ARSK: variants seen among roughly 807,000 people sequenced by gnomAD.
ARSK encodes the protein arylsulfatase family member K.
Under a neutral mutation model 53.2 loss-of-function variants are expected in ARSK, and 37 were observed. The observed-to-expected ratio is 0.70, with a 90% confidence interval of 0.54 to 0.92. The LOEUF is 0.92. Ranked by LOEUF, ARSK falls within the 40% of genes least tolerant of loss-of-function variation. ARSK has a pLI of 0.00. For missense variants in ARSK, 613 were observed against 643.0 expected, an observed-to-expected ratio of 0.95 and a Z score of 0.51; for synonymous variants, 208 against 223.2, an observed-to-expected ratio of 0.93 and a Z score of 0.61.
At chr5:95,572,186 G>A (rs1443909585) in intron 3 of ARSK, among the ~76,000 whole-genome samples, 1 of 152,042 alleles carries the variant, frequency 6.6e-6, no homozygotes, top group Non-Finnish European at 1.5e-5. Flanking sequence ...GATCGCTATG[G>A]GCTGCACAGT....
At chr5:95,588,729 C>T (rs1288458302) in intron 5 of ARSK, among the ~76,000 whole-genome samples, 1 of 151,774 alleles carries the variant, frequency 6.6e-6, no homozygotes, top group Non-Finnish European at 1.5e-5. Context: ...TTTGGGAGGC[C>T]GAGGCAAGCG....
chr5:95,595,859 A>G (rs1749300337), intron 6 of ARSK, among the ~76,000 whole-genome samples: 1 of 152,252 alleles, frequency 6.6e-6, no homozygotes, highest in Non-Finnish European at 1.5e-5. Context: ...TAATTTTAAC[A>G]AGTGAAATGT....
At chr5:95,565,110 A>G (rs1008665381) in intron 1 of ARSK, among the ~76,000 whole-genome samples, 7 of 152,244 alleles carry the variant, frequency 4.6e-5, no homozygotes, top group African/African-American at 1.7e-4. Flanking sequence ...AACATATAAT[A>G]GATAGAACTC....
intron 3 of ARSK, among the ~76,000 whole-genome samples, chr5:95,571,827 T>C (rs1274257479): frequency 1.3e-5 from 2 of 152,248 alleles, no homozygotes; most frequent in East Asian, 3.8e-4. Flanking sequence ...ATAGCATGTC[T>C]GAAGGTTATA....
rs148807575 is a variant in ARSK, at chr5:95,564,475, C to A, written c.127-1523C>A. ...GCTAACACACCATTCTCTAACATCC[C>A]TCCCGTTTTTCTGTTTTGCTTTGCA... On this transcript the variant is annotated intron_variant, in intron 1 of 7. Transcript: ENST00000380009. 1.6e-3 allele frequency among the ~76,000 whole-genome samples: 237 copies of A among 152,290 alleles called. 3 individuals are homozygous for A. Among genetic ancestry groups the A allele is most frequent in the African/African-American group, 5.6e-3 (231 of 41,542 alleles).
At chr5:95,589,619 T>C (rs1157801510) in intron 5 of ARSK, among the ~76,000 whole-genome samples, 3 of 152,254 alleles carry the variant, frequency 2.0e-5, no homozygotes, top group South Asian at 4.1e-4. Context: ...CATTCCTTTT[T>C]ATGGCTGCGT....
chr5:95,556,630 T>C lies in ARSK; in HGVS notation c.126+1226T>C, dbSNP rs114368263. 1,696 of 178,386 alleles carry C rather than the reference T, an allele frequency of 9.5e-3. 20 individuals carry two copies. Among genetic ancestry groups the C allele is most frequent in the South Asian group, 0.033 (194 of 5,894 alleles). 11.1% of individuals were successfully genotyped at this position (178,386 alleles called of 1,614,324 possible). A position where few individuals can be genotyped will look rare whatever the true frequency, so the allele number is the denominator to read the frequency against. Reference sequence around the variant, plus strand: ...ATGTGGATCACAACATCCCAGAAACTTCCAAAGATGACTGAGATATATAGG... The same window carrying C: ...ATGTGGATCACAACATCCCAGAAACCTCCAAAGATGACTGAGATATATAGG... On this transcript the variant is annotated intron_variant, in intron 1 of 7. Coordinates refer to ENST00000380009, the MANE Select transcript of ARSK (RefSeq NM_198150.3).
intron 3 of ARSK, among the ~76,000 whole-genome samples, chr5:95,581,802 C>T (rs1208148877): frequency 6.6e-6 from 1 of 152,118 alleles, no homozygotes; most frequent in African/African-American, 2.4e-5. Context: ...GAATACAAAA[C>T]TTCCTATTTT....
intron 6 of ARSK, among the ~76,000 whole-genome samples, chr5:95,597,422 G>T (rs1294453252): frequency 6.6e-6 from 1 of 152,174 alleles, no homozygotes; most frequent in Non-Finnish European, 1.5e-5. Flanking sequence ...GTTTTTATTG[G>T]CTGAGGAATA....
intron 6 of ARSK, among the ~76,000 whole-genome samples, chr5:95,599,396 ACTT>A (rs1749361414): frequency 1.3e-5 from 2 of 151,496 alleles, no homozygotes; most frequent in South Asian, 4.2e-4. Context: ...CTTAAAGACT[ACTT>A]CTCTCTCTTC....
At chr5:95,600,393 A>G (rs1749381731) in intron 6 of ARSK, among the ~76,000 whole-genome samples, 2 of 152,200 alleles carry the variant, frequency 1.3e-5, no homozygotes, top group Admixed American at 1.3e-4. Context: ...TAAGACTACT[A>G]AACCCCTTTC....
chr5:95,563,511 G>A (rs138854506), intron 1 of ARSK, among the ~76,000 whole-genome samples: 33 of 152,212 alleles, frequency 2.2e-4, no homozygotes, highest in African/African-American at 5.3e-4. Flanking sequence ...GACGGCAGTC[G>A]CCCCCTCCCT....
rs1393604013 is a variant in ARSK at position 95,603,343 on chromosome 5, T to C, written c.1428T>C (p.Val476=). The change falls in exon 8 of 8, where the codon GTT becomes GTC. Residue 476 remains valine, a synonymous_variant. Transcript: ENST00000380009. ...ATTCCATTATAAACTACCCTAAAGT[T>C]TCTGCTTCTGTCCACCAGTATAATA... ...KLHSIINYPK[V]SASVHQYNKE... 2 of 1,613,010 alleles carry C rather than the reference T, an allele frequency of 1.2e-6. No individual in the cohort carries two copies. Among genetic ancestry groups the C allele is most frequent in the East Asian group, 2.2e-5 (1 of 44,830 alleles).
chr5:95,569,846 T>C (rs1365218998), intron 3 of ARSK, among the ~76,000 whole-genome samples: 1 of 152,258 alleles, frequency 6.6e-6, no homozygotes, highest in Non-Finnish European at 1.5e-5. Flanking sequence ...GTTTAATTTC[T>C]TCCCTTTTCT....
At chr5:95,574,947 A>G (rs761563581) in intron 3 of ARSK, among the ~76,000 whole-genome samples, 1 of 152,158 alleles carries the variant, frequency 6.6e-6, no homozygotes, top group Non-Finnish European at 1.5e-5. Flanking sequence ...AGTTTCCCCA[A>G]TGCTTTCTTT....
chr5:95,600,323 A>G (rs891114655), intron 6 of ARSK, among the ~76,000 whole-genome samples: 1 of 152,168 alleles, frequency 6.6e-6, no homozygotes, highest in Non-Finnish European at 1.5e-5. Context: ...TCAGCAATAA[A>G]TTTACATCTA....
At chr5:95,600,308 A>C (rs1223194667) in intron 6 of ARSK, among the ~76,000 whole-genome samples, 1 of 152,194 alleles carries the variant, frequency 6.6e-6, no homozygotes, top group East Asian at 1.9e-4. Context: ...GGTTTATCAT[A>C]TACATCAGCA....
intron 3 of ARSK, among the ~76,000 whole-genome samples, chr5:95,568,914 A>T (rs3948561): frequency 0.18 from 28,018 of 152,094 alleles, 3,754 homozygotes; most frequent in African/African-American, 0.38. Flanking sequence ...TTGGGTACTG[A>T]TTCTCTAATG....
intron 3 of ARSK, among the ~76,000 whole-genome samples, chr5:95,574,673 A>G (rs1748892282): frequency 6.6e-6 from 1 of 151,176 alleles, no homozygotes; most frequent in African/African-American, 2.5e-5. Context: ...TCTTTTGCCC[A>G]TTATTTAATC....
Sources: gnomAD v4.1 joint callset for allele counts (sites outside exome capture counted in the v4.1 genomes callset) on GRCh38, gnomAD v4.1.1 for gene constraint, MANE v1.5 for transcripts, NCBI Gene and HGNC (gene_info 2026-07-23, HGNC 2026-07-21) for gene names.